Variants in FARP1 observed in about 807,000 individuals in gnomAD.
FARP1 encodes FERM, ARHGEF and pleckstrin domain-containing protein 1.
A neutral mutation model predicts 128.8 loss-of-function variants in FARP1; 52 were observed. That is an observed-to-expected ratio of 0.40 (90% CI 0.32 to 0.51). The LOEUF (loss-of-function observed/expected upper bound fraction) is 0.51, where lower values mean the gene tolerates loss of function less well. Ranked by LOEUF, FARP1 falls within the 20% of genes least tolerant of loss-of-function variation. The pLI is 0.45. For missense variants in FARP1, 1,333 were observed against 1,367.9 expected (o/e 0.97, Z 0.40); for synonymous variants, 580 against 551.8 (o/e 1.05, Z -0.72).
intron 2 of FARP1, among the ~76,000 whole-genome samples, chr13:98,337,894 T>C (rs1177248724): frequency 1.3e-5 from 2 of 152,192 alleles, no homozygotes; most frequent in African/African-American, 4.8e-5. Flanking sequence ...TAAAGAAATA[T>C]TAGCAATTAT....
At chr13:98,372,036 C>G (rs1889353140) in intron 5 of FARP1, among the ~76,000 whole-genome samples, 1 of 146,180 alleles carries the variant, frequency 6.8e-6, no homozygotes, top group Non-Finnish European at 1.5e-5. Flanking sequence ...GGTGCAGCCT[C>G]AAAACAACGA....
intron 17 of FARP1, among the ~76,000 whole-genome samples, chr13:98,428,853 C>T (rs141794409): frequency 5.3e-4 from 81 of 152,278 alleles, no homozygotes; most frequent in Non-Finnish European, 9.4e-4. Flanking sequence ...ATGATGATGC[C>T]CTCTCAAAAT....
intron 3 of FARP1, among the ~76,000 whole-genome samples, chr13:98,359,413 T>C (rs1594442687): frequency 1.3e-5 from 2 of 152,166 alleles, no homozygotes; most frequent in African/African-American, 4.8e-5. Context: ...CAGTTGCTTA[T>C]GAAATCCACC....
intron 2 of FARP1, among the ~76,000 whole-genome samples, chr13:98,295,199 G>GT (rs1187842671): frequency 2.6e-5 from 4 of 151,958 alleles, no homozygotes; most frequent in African/African-American, 9.7e-5. Context: ...AGGGATTCAT[G>GT]TTTAGGGCTT....
intron 2 of FARP1, among the ~76,000 whole-genome samples, chr13:98,288,723 A>C (rs1885313281): frequency 6.6e-6 from 1 of 152,196 alleles, no homozygotes; most frequent in Non-Finnish European, 1.5e-5. Context: ...TGATGGCGGT[A>C]ACAGCACCTG....
At chr13:98,334,315 T>C (rs1887647169) in intron 2 of FARP1, 1 of 152,240 alleles carries the variant, frequency 6.6e-6, no homozygotes, top group African/African-American at 2.4e-5. Flanking sequence ...TTTACACAGA[T>C]GTTACTGCTG....
intron 2 of FARP1, among the ~76,000 whole-genome samples, chr13:98,214,871 C>T (rs372613996): frequency 1.2e-4 from 19 of 152,314 alleles, no homozygotes; most frequent in African/African-American, 3.1e-4. Flanking sequence ...ACACGTGGTC[C>T]GTATGTGCGC....
At chr13:98,336,643 G>C (rs892671805) in intron 2 of FARP1, among the ~76,000 whole-genome samples, 9 of 152,196 alleles carry the variant, frequency 5.9e-5, no homozygotes, top group African/African-American at 1.9e-4. Flanking sequence ...GAAGCGCTGT[G>C]TGAACATGCA....
chr13:98,351,567 A>C (rs745451048), intron 3 of FARP1, among the ~76,000 whole-genome samples: 81 of 151,334 alleles, frequency 5.4e-4, no homozygotes, highest in Admixed American at 5.0e-3. Context: ...AGCTGAGATC[A>C]CGCCACTGCT....
At chr13:98,179,154 C>T (rs1326104864) in intron 1 of FARP1, among the ~76,000 whole-genome samples, 1 of 152,158 alleles carries the variant, frequency 6.6e-6, no homozygotes, top group Non-Finnish European at 1.5e-5. Context: ...TTCCATGTGG[C>T]TAGGGAGGTC....
At chr13:98,384,626 C>A in intron 6 of FARP1, 104 bp from the exon 7 acceptor site, 1 of 687,052 alleles carries the variant, frequency 1.5e-6, no homozygotes, top group East Asian at 2.7e-5. Context: ...CAACTGGGCT[C>A]ACCTTATGTT....
intron 2 of FARP1, among the ~76,000 whole-genome samples, chr13:98,258,098 C>T (rs1449985929): frequency 2.0e-5 from 3 of 152,128 alleles, no homozygotes; most frequent in Admixed American, 6.5e-5. Flanking sequence ...CTCAGCCTCC[C>T]GAGTAGCTGA....
At chr13:98,168,614 T>C (rs1843885368) in intron 1 of FARP1, among the ~76,000 whole-genome samples, 1 of 152,238 alleles carries the variant, frequency 6.6e-6, no homozygotes, top group South Asian at 2.1e-4. Flanking sequence ...CCTGGACAGC[T>C]TCAGGGATCT....
chr13:98,251,590 G>A (rs1883324343), intron 2 of FARP1, among the ~76,000 whole-genome samples: 1 of 151,894 alleles, frequency 6.6e-6, no homozygotes, highest in African/African-American at 2.4e-5. Flanking sequence ...GGCTGAGGCA[G>A]GAGAATGGCT....
At chr13:98,173,952 G>T (rs1877823607) in intron 1 of FARP1, among the ~76,000 whole-genome samples, 1 of 152,200 alleles carries the variant, frequency 6.6e-6, no homozygotes, top group Admixed American at 6.5e-5. Flanking sequence ...TCGCTCCAGC[G>T]TTGTGACCTT....
At chr13:98,333,313 T>C (rs1887590822) in intron 2 of FARP1, 1 of 152,128 alleles carries the variant, frequency 6.6e-6, no homozygotes, top group Non-Finnish European at 1.5e-5. Flanking sequence ...GATAATGAAT[T>C]ACTCAAGATC....
rs566477711 is a variant in FARP1 at position 98,373,063 on chromosome 13, C to G, written c.399-4758C>G. The stretch of plus-strand genomic sequence containing the variant: ...GAAGCTACTTCTCATGTTACAAGGG[C>G]CTTGGATCAGGAAGAGTCCATGTAA... On this transcript the variant is annotated intron_variant, in intron 5 of 26. Transcript: ENST00000319562. Among the ~76,000 whole-genome samples, 28 of 152,268 alleles carry G rather than the reference C, an allele frequency of 1.8e-4. No homozygotes were observed. In the South Asian group the frequency reaches 5.6e-3, roughly 30 times the overall value.
chr13:98,313,876 C>T (rs1886601035), intron 2 of FARP1, among the ~76,000 whole-genome samples: 1 of 152,226 alleles, frequency 6.6e-6, no homozygotes, highest in Non-Finnish European at 1.5e-5. Context: ...TGATAGCCCA[C>T]TTTTAGGAAA....
intron 3 of FARP1, among the ~76,000 whole-genome samples, chr13:98,356,272 G>A (rs1197375802): frequency 6.6e-6 from 1 of 152,098 alleles, no homozygotes; most frequent in Non-Finnish European, 1.5e-5. Context: ...CAATTTCATT[G>A]TGCGGACATC....
Sources: gnomAD v4.1 joint callset for allele counts (sites outside exome capture counted in the v4.1 genomes callset) on GRCh38, gnomAD v4.1.1 for gene constraint, MANE v1.5 for transcripts, NCBI Gene and HGNC (gene_info 2026-07-23, HGNC 2026-07-21) for gene names.